The following KALRN variants were observed in gnomAD, a reference collection of about 807,000 sequenced individuals.
KALRN encodes kalirin RhoGEF kinase, also known as kalirin.
KALRN carries 70 observed loss-of-function variants against 353.7 expected under a neutral mutation model. The ratio of observed to expected loss-of-function variants is 0.20; its 90% CI spans 0.16 to 0.24. The LOEUF (loss-of-function observed/expected upper bound fraction) is 0.24, where lower values mean the gene tolerates loss of function less well. KALRN is among the 10% of genes least tolerant of loss of function. The pLI is 1.00. For missense variants in KALRN, 2,791 were observed against 3,756.7 expected (o/e 0.74, Z 6.72); for synonymous variants, 1,391 against 1,434.8 (o/e 0.97, Z 0.69).
intron 41 of KALRN, among the ~76,000 whole-genome samples, chr3:124,658,102 C>T (rs1405350189): frequency 6.6e-6 from 1 of 152,142 alleles, no homozygotes; most frequent in Non-Finnish European, 1.5e-5. Context: ...CTGCAGTGAG[C>T]CATGATGGCC....
At chr3:124,159,940 T>C (rs556745748) in intron 1 of KALRN, among the ~76,000 whole-genome samples, 21 of 151,690 alleles carry the variant, frequency 1.4e-4, no homozygotes, top group African/African-American at 5.1e-4. Flanking sequence ...TGAGCAGGAT[T>C]GAGATGGAGC....
chr3:124,555,730 A>G (rs929706726), intron 33 of KALRN, among the ~76,000 whole-genome samples: 2 of 152,182 alleles, frequency 1.3e-5, no homozygotes, highest in African/African-American at 4.8e-5. Context: ...TCAGGCAATA[A>G]TTCATGGAAT....
At chr3:124,336,408 A>G (rs1226360517) in intron 9 of KALRN, among the ~76,000 whole-genome samples, 1 of 152,192 alleles carries the variant, frequency 6.6e-6, no homozygotes, top group East Asian at 1.9e-4. Flanking sequence ...CTGAAGGCAC[A>G]AAGGAGAGGC....
At chr3:124,044,891 TTCCTTCCTTCCTTC>T (rs773906614) in intron 1 of KALRN, among the ~76,000 whole-genome samples, 1,049 of 62,538 alleles carry the variant, frequency 0.017, 31 homozygotes, top group African/African-American at 0.031. Flanking sequence ...CCTTCCTTCC[TTCCTTCCTTCCTTC>T]CTTCCTTCTC....
rs1242898300 is a variant in KALRN, at chr3:124,723,443, G to C, written c.*3973G>C. ...AAGGAGGGAGGACATTAATCTTACAGGAATGTTGAGAAATAACCTTGGTGG... is the reference window on the plus strand; with the variant it reads ...AAGGAGGGAGGACATTAATCTTACACGAATGTTGAGAAATAACCTTGGTGG... On this transcript the variant is annotated 3_prime_UTR_variant, in exon 60 of 60. Coordinates refer to ENST00000682506, the MANE Select transcript of KALRN (RefSeq NM_001388419.1). 1 of 152,086 alleles carries C rather than the reference G, an allele frequency of 6.6e-6. No individual in the cohort carries two copies. The allele number at this position is 152,086 out of a possible 1,614,324, so 9.4% of individuals were successfully genotyped here. A position where few individuals can be genotyped will look rare whatever the true frequency, so the allele number is the denominator to read the frequency against.
intron 1 of KALRN, among the ~76,000 whole-genome samples, chr3:124,142,725 T>C (rs1485453866): frequency 6.6e-6 from 1 of 152,012 alleles, no homozygotes; most frequent in Non-Finnish European, 1.5e-5. Context: ...CACTCTGTAC[T>C]CCTCCAGCCT....
chr3:124,356,984 G>A (rs998432224), intron 10 of KALRN, among the ~76,000 whole-genome samples: 10 of 152,058 alleles, frequency 6.6e-5, no homozygotes, highest in Non-Finnish European at 1.3e-4. Flanking sequence ...ATTTTCAGAG[G>A]GTTCCTAAAC....
At chr3:124,607,162 C>T (rs1254452942) in intron 34 of KALRN, among the ~76,000 whole-genome samples, 1 of 152,150 alleles carries the variant, frequency 6.6e-6, no homozygotes, top group Non-Finnish European at 1.5e-5. Context: ...GACATTGTTT[C>T]CAATAGGGGA....
At chr3:124,599,222 G>T (rs551355660) in intron 34 of KALRN, among the ~76,000 whole-genome samples, 5 of 152,320 alleles carry the variant, frequency 3.3e-5, no homozygotes, top group Non-Finnish European at 7.4e-5. Context: ...AGGTAGGGAA[G>T]TAGAGTAAAA....
intron 33 of KALRN, among the ~76,000 whole-genome samples, chr3:124,558,333 A>C (rs2071534695): frequency 6.6e-6 from 1 of 152,018 alleles, no homozygotes; most frequent in South Asian, 2.1e-4. Flanking sequence ...GCTGGAGTGC[A>C]ATGGCATGAT....
chr3:124,580,882 C>T (rs865961157), intron 34 of KALRN, among the ~76,000 whole-genome samples: 1 of 151,772 alleles, frequency 6.6e-6, no homozygotes. Flanking sequence ...CCGAGGGGGG[C>T]AGATCGCTTG....
intron 34 of KALRN, among the ~76,000 whole-genome samples, chr3:124,598,735 G>A (rs1472148887): frequency 6.6e-6 from 1 of 152,112 alleles, no homozygotes; most frequent in East Asian, 1.9e-4. Flanking sequence ...GGAGTGCAGT[G>A]GCTCAATCTC....
chr3:124,396,046 G>C (rs1049930821), intron 12 of KALRN, among the ~76,000 whole-genome samples: 2 of 152,162 alleles, frequency 1.3e-5, no homozygotes, highest in Non-Finnish European at 2.9e-5. Flanking sequence ...AAAGTGTCAT[G>C]AGGCCTTAAG....
chr3:124,495,996 T>TATATAC (rs2063767701), intron 32 of KALRN, among the ~76,000 whole-genome samples: 1 of 57,450 alleles, frequency 1.7e-5, no homozygotes, highest in Non-Finnish European at 3.0e-5. Context: ...TATATATATA[T>TATATAC]ATATATATAT....
intron 45 of KALRN, 125 bp downstream of exon 45, chr3:124,662,053 C>T (rs1241475283): frequency 1.3e-6 from 1 of 748,596 alleles, no homozygotes; most frequent in Non-Finnish European, 2.4e-6. Context: ...ACTATGCCTT[C>T]CTACCCGGGC....
intron 33 of KALRN, chr3:124,518,722 G>A: frequency 7.1e-7 from 1 of 1,400,672 alleles, no homozygotes. Flanking sequence ...AAAATGGTGG[G>A]GCAGTAGGGA....
intron 5 of KALRN, among the ~76,000 whole-genome samples, chr3:124,294,169 A>G (rs1213762685): frequency 1.3e-5 from 2 of 151,982 alleles, no homozygotes; most frequent in Non-Finnish European, 2.9e-5. Flanking sequence ...CAGGTTCTGA[A>G]GAGATTATTA....
chr3:124,634,513 G>T (rs2081143946), intron 36 of KALRN, among the ~76,000 whole-genome samples: 2 of 152,202 alleles, frequency 1.3e-5, no homozygotes, highest in Non-Finnish European at 2.9e-5. Context: ...CCGCTGGCAT[G>T]CATAGGCTCA....
chr3:124,048,098 T>C (rs904558876), intron 1 of KALRN, among the ~76,000 whole-genome samples: 1 of 152,192 alleles, frequency 6.6e-6, no homozygotes, highest in Non-Finnish European at 1.5e-5. Flanking sequence ...AACTTTAAGG[T>C]ATGATACATT....
Sources: allele counts gnomAD v4.1 joint callset (sites outside exome capture counted in the v4.1 genomes callset), GRCh38; gene constraint gnomAD v4.1.1; transcripts MANE v1.5; gene names NCBI Gene and HGNC (gene_info 2026-07-23, HGNC 2026-07-21).